The following GAN variants were observed in gnomAD, a reference collection of about 807,000 sequenced individuals.
GAN encodes the protein epididymis secretory sperm binding protein.
A neutral mutation model predicts 71.3 loss-of-function variants in GAN; 48 were observed. That is an observed-to-expected ratio of 0.67 (90% confidence interval 0.53 to 0.86). The LOEUF (loss-of-function observed/expected upper bound fraction) is 0.86, where lower values mean the gene tolerates loss of function less well. Among genes scored for constraint, GAN ranks in the 40% least tolerant of loss-of-function variants. The probability of loss-of-function intolerance (pLI) is 0.00; values close to 1 mark genes in which losing one functional copy is unlikely to be tolerated. For missense variants in GAN, 928 were observed against 770.1 expected, an observed-to-expected ratio of 1.21 and a Z score of -2.43; for synonymous variants, 386 against 276.8, an observed-to-expected ratio of 1.39 and a Z score of -3.92.
At chr16:81,325,216 CAA>C (rs767155656) in intron 1 of GAN, among the ~76,000 whole-genome samples, 2 of 152,190 alleles carry the variant, frequency 1.3e-5, no homozygotes, top group Non-Finnish European at 2.9e-5. Flanking sequence ...TGTGAAAAAA[CAA>C]AGTATAGAAC....
At chr16:81,368,522 A>T (rs1005402921) in intron 9 of GAN, among the ~76,000 whole-genome samples, 12 of 152,336 alleles carry the variant, frequency 7.9e-5, no homozygotes, top group Admixed American at 7.8e-4. Flanking sequence ...CAGAAGGATC[A>T]CTTGAGCCTG....
intron 1 of GAN, among the ~76,000 whole-genome samples, chr16:81,315,914 C>CT (rs1909023978): frequency 6.6e-6 from 1 of 152,266 alleles, no homozygotes; most frequent in African/African-American, 2.4e-5. Flanking sequence ...CCAAACGTGT[C>CT]TTTTCCGCTC....
chr16:81,373,107 G>A (rs1371096686), intron 9 of GAN, among the ~76,000 whole-genome samples: 1 of 152,218 alleles, frequency 6.6e-6, no homozygotes, highest in Non-Finnish European at 1.5e-5. Flanking sequence ...ACCTGCCTTA[G>A]AAGAGTCTAG....
In GAN at chr16:81,356,782, C is replaced by G. The variant is rs371484648; in HGVS notation, c.634-3C>G. ...CGCCCCATCTTTCTTCCCTCTTCTG[C>G]AGGTCCACATGAAGGATGTTATGTC... On this transcript the variant is annotated splice_polypyrimidine_tract_variant and splice_region_variant and intron_variant, in intron 3 of 10. Coordinates refer to ENST00000648994, the MANE Select transcript of GAN (RefSeq NM_022041.4). 26 of 1,596,722 alleles carry G rather than the reference C, an allele frequency of 1.6e-5. No homozygotes were observed. Among genetic ancestry groups the G allele is most frequent in the Non-Finnish European group, 2.1e-5 (24 of 1,164,256 alleles).
chr16:81,336,237 C>T (rs1442150558), intron 1 of GAN, among the ~76,000 whole-genome samples: 2 of 152,212 alleles, frequency 1.3e-5, no homozygotes, highest in African/African-American at 4.8e-5. Context: ...CCTCTGAGAC[C>T]TCTGGTTGTG....
chr16:81,371,618 T>C (rs1911038731), intron 9 of GAN, among the ~76,000 whole-genome samples: 2 of 152,108 alleles, frequency 1.3e-5, no homozygotes, highest in South Asian at 4.1e-4. Context: ...TGCGCACAAA[T>C]TGAGGGGTGC....
chr16:81,354,034 A>C (rs963857745), intron 2 of GAN, among the ~76,000 whole-genome samples: 2 of 152,132 alleles, frequency 1.3e-5, no homozygotes, highest in African/African-American at 2.4e-5. Context: ...GCTGGTACTT[A>C]ATCATGTTGA....
intron 1 of GAN, among the ~76,000 whole-genome samples, chr16:81,333,547 G>A (rs1909658767): frequency 2.0e-5 from 3 of 152,070 alleles, no homozygotes; most frequent in African/African-American, 7.2e-5. Context: ...TAACACAATG[G>A]GTACTTTCTA....
chr16:81,360,536 C>G (rs1327477210), intron 5 of GAN, among the ~76,000 whole-genome samples: 4 of 151,148 alleles, frequency 2.6e-5, no homozygotes, highest in Non-Finnish European at 5.9e-5. Context: ...CTTCTTTTCT[C>G]CTTAACTCTG....
At chr16:81,364,165 A>G (rs970348377) in intron 7 of GAN, among the ~76,000 whole-genome samples, 2 of 152,184 alleles carry the variant, frequency 1.3e-5, no homozygotes, top group African/African-American at 4.8e-5. Context: ...GGCCCTGTGC[A>G]GCACCGCTGT....
intron 9 of GAN, among the ~76,000 whole-genome samples, chr16:81,375,928 C>T (rs1184914449): frequency 4.6e-5 from 7 of 150,822 alleles, no homozygotes; most frequent in Middle Eastern, 3.4e-3. Flanking sequence ...TGTGATTGCA[C>T]CACTGCACTC....
In GAN at chr16:81,388,704, C is replaced by G. The variant is rs310023; in HGVS notation, c.*11108C>G. On this transcript the variant is annotated 3_prime_UTR_variant, in exon 11 of 11. Transcript: ENST00000648994. The stretch of plus-strand genomic sequence containing the variant: ...GTCTGTCCGCAGAGCCGGGTGGGGA[C>G]CCTCCGTGTGGGTCCTCCTCTGTCC... The G allele has an allele frequency of 0.94, 142,683 of 152,434 alleles. 66,838 individuals are homozygous for G. Among genetic ancestry groups the G allele is most frequent in the East Asian group, 0.99 (5,122 of 5,182 alleles). The allele number at this position is 152,434 out of a possible 1,614,324, so 9.4% of individuals were successfully genotyped here. A position where few individuals can be genotyped will look rare whatever the true frequency, so the allele number is the denominator to read the frequency against.
chr16:81,317,426 C>T (rs1275804455), intron 1 of GAN, among the ~76,000 whole-genome samples: 1 of 152,208 alleles, frequency 6.6e-6, no homozygotes, highest in Non-Finnish European at 1.5e-5. Flanking sequence ...CTTCAGCTCA[C>T]TAATCTGATG....
chr16:81,380,566 T>C lies in GAN; in HGVS notation c.*2970T>C, dbSNP rs1345129712. The C allele has an allele frequency of 6.6e-6, 1 of 152,214 alleles. No individual in the cohort carries two copies. 9.4% of individuals were successfully genotyped at this position (152,214 alleles called of 1,614,324 possible). A position where few individuals can be genotyped will look rare whatever the true frequency, so the allele number is the denominator to read the frequency against. On this transcript the variant is annotated 3_prime_UTR_variant, in exon 11 of 11. Coordinates refer to ENST00000648994, the MANE Select transcript of GAN (RefSeq NM_022041.4). The stretch of plus-strand genomic sequence containing the variant: ...AAGTGTGAGAGATGAATGAGTGAGT[T>C]GTACGTGTGTGTGTGATGCTATTTG...
rs1904392172 is a variant in GAN, at chr16:81,386,095, C to G, written c.*8499C>G. ...ATATCACCTCTCTCCATCTACATCT[C>G]TAGTATTTAAATTCAACACAATTCT... On this transcript the variant is annotated 3_prime_UTR_variant, in exon 11 of 11. Transcript: ENST00000648994. 1 of 152,276 alleles carries G rather than the reference C, an allele frequency of 6.6e-6. No homozygotes were observed. The highest frequency in any genetic ancestry group is 2.4e-5 in the African/African-American group (1 of 41,558). 9.4% of individuals were successfully genotyped at this position (152,276 alleles called of 1,614,324 possible).
At position 81,364,989 on chromosome 16, in the gene GAN, G is replaced by C. The variant is rs752800283; in HGVS notation, c.1252G>C (p.Ala418Pro). 3.1e-6 allele frequency: 5 copies of C among 1,613,932 alleles called. No homozygotes were observed. The East Asian group carries it at 8.9e-5, about 29-fold the overall frequency. The change falls in exon 8 of 11, where the codon GCT becomes CCT. Residue 418 changes from alanine (A) to proline (P), a missense_variant. Physicochemically the swap from Ala to Pro is conservative, Grantham distance 27. Coordinates refer to ENST00000648994, the MANE Select transcript of GAN (RefSeq NM_022041.4). The stretch of plus-strand genomic sequence containing the variant: ...CTGCTTTCAGATCGGCTGCTATGCA[G>C]CTATGAAAAAGAAAATCTACGCCAT... ...TMVRKIGCYA[A>P]MKKKIYAMGG...
intron 1 of GAN, among the ~76,000 whole-genome samples, chr16:81,315,851 C>G (rs563411449): frequency 6.6e-6 from 1 of 152,274 alleles, no homozygotes; most frequent in African/African-American, 2.4e-5. Flanking sequence ...AGAAAACCCT[C>G]TCGATGTTCT....
In GAN at chr16:81,319,966, C is replaced by T. The variant is rs1432923604; in HGVS notation, c.167+4686C>T. Among the ~76,000 whole-genome samples the T allele has an allele frequency of 1.6e-4, 24 of 152,120 alleles. 1 individual carries two copies. Among genetic ancestry groups the T allele is most frequent in the Non-Finnish European group, 1.5e-5 (1 of 68,028 alleles). ...TTCTGTTTTTATAGCTTTATTGTGT[C>T]ATTTAAAGTTTTGTTTTATGTTAAT... On this transcript the variant is annotated intron_variant, in intron 1 of 10. Transcript: ENST00000648994.
Position 81,377,530 on chromosome 16 carries a change from G to C in GAN, c.1728G>C (p.Ala576=), listed in dbSNP as rs150342446. 1.4e-4 allele frequency: 221 copies of C among 1,614,144 alleles called. No individual in the cohort carries two copies. The African/African-American group carries it at 2.7e-3, about 20-fold the overall frequency. The change falls in exon 11 of 11, where the codon GCG becomes GCC. Residue 576 remains alanine, a synonymous_variant. Coordinates refer to ENST00000648994, the MANE Select transcript of GAN (RefSeq NM_022041.4). ...CAGGATGTGCAGCCTTACGCATTGC[G>C]AATTGCAAGCTTTTCCGCCTGCAGC... ...RRTGCAALRI[A]NCKLFRLQLQ...
Sources: gnomAD v4.1 joint callset for allele counts (sites outside exome capture counted in the v4.1 genomes callset) on GRCh38, gnomAD v4.1.1 for gene constraint, MANE v1.5 for transcripts, NCBI Gene and HGNC (gene_info 2026-07-23, HGNC 2026-07-21) for gene names.